The following NF1 variants were observed in gnomAD, a reference collection of about 807,000 sequenced individuals.
NF1 encodes the protein neurofibromin.
A neutral mutation model predicts 325.7 loss-of-function variants in NF1; 122 were observed. The ratio of observed to expected loss-of-function variants is 0.37; its 90% confidence interval spans 0.32 to 0.44. The LOEUF (loss-of-function observed/expected upper bound fraction) is 0.44. NF1 is among the 20% of genes least tolerant of loss of function. NF1 has a pLI of 1.00. For synonymous variants in NF1, 1,091 were observed against 1,186.0 expected (o/e 0.92, Z 1.65); for missense variants, 2,140 against 3,415.4 (o/e 0.63, Z 9.31).
chr17:31,130,072 CTGTTTTTTTT>C (rs1234723047), intron 1 of NF1, among the ~76,000 whole-genome samples: 7 of 138,692 alleles, frequency 5.0e-5, no homozygotes, highest in African/African-American at 1.2e-4. Context: ...TTTGAAGTCG[CTGTTTTTTTT>C]TGTTTTTTTT....
chr17:31,195,278 A>G (rs756964799), intron 8 of NF1, among the ~76,000 whole-genome samples: 1 of 152,118 alleles, frequency 6.6e-6, no homozygotes, highest in Non-Finnish European at 1.5e-5. Flanking sequence ...TGCTCTTTCT[A>G]GAACTAGCCT....
chr17:31,228,610 C>A (rs1445631367), intron 20 of NF1, among the ~76,000 whole-genome samples: 1 of 152,070 alleles, frequency 6.6e-6, no homozygotes, highest in Non-Finnish European at 1.5e-5. Flanking sequence ...TCTAACCACC[C>A]CCCACCCACT....
At chr17:31,313,137 A>G (rs566789878) in intron 36 of NF1, among the ~76,000 whole-genome samples, 40 of 152,294 alleles carry the variant, frequency 2.6e-4, no homozygotes, top group African/African-American at 7.5e-4. Flanking sequence ...GTATAATAAT[A>G]ATAGTCAAAT....
intron 29 of NF1, among the ~76,000 whole-genome samples, chr17:31,244,496 G>C (rs1362962133): frequency 1.3e-5 from 2 of 152,084 alleles, no homozygotes; most frequent in African/African-American, 4.8e-5. Context: ...TCAACAGCTG[G>C]GATGGGTGAT....
intron 36 of NF1, chr17:31,295,721 G>A: frequency 6.2e-7 from 1 of 1,614,166 alleles, no homozygotes; most frequent in Non-Finnish European, 8.5e-7. Context: ...TGGAATGAAT[G>A]TGAACTTATT....
chr17:31,238,597 G>A (rs977474527), intron 29 of NF1, among the ~76,000 whole-genome samples: 1 of 152,072 alleles, frequency 6.6e-6, no homozygotes, highest in Admixed American at 6.5e-5. Flanking sequence ...AGCTGGGTGT[G>A]GTGGCACGTG....
At chr17:31,132,074 G>A (rs978824252) in intron 1 of NF1, among the ~76,000 whole-genome samples, 4 of 152,040 alleles carry the variant, frequency 2.6e-5, no homozygotes, top group African/African-American at 4.8e-5. Flanking sequence ...GGGACTACAG[G>A]CACATGTCAC....
At chr17:31,352,886 G>A (rs758373525) in intron 51 of NF1, among the ~76,000 whole-genome samples, 13 of 152,036 alleles carry the variant, frequency 8.6e-5, no homozygotes, top group African/African-American at 2.4e-4. Flanking sequence ...CTCAATTACC[G>A]AAAGAAAATA....
At chr17:31,174,808 C>A (rs907977726) in intron 5 of NF1, among the ~76,000 whole-genome samples, 20 of 151,972 alleles carry the variant, frequency 1.3e-4, no homozygotes, top group Admixed American at 1.1e-3. Flanking sequence ...GTTACTATTG[C>A]ATATAGAGCC....
rs17880286 is a variant in NF1 at position 31,191,243 on chromosome 17, A to G, written c.888+8578A>G. 3.6e-3 allele frequency among the ~76,000 whole-genome samples: 545 copies of G among 152,326 alleles called. 6 individuals carry two copies. Among genetic ancestry groups the G allele is most frequent in the African/African-American group, 0.012 (517 of 41,582 alleles). On this transcript the variant is annotated intron_variant, in intron 8 of 57. Coordinates refer to ENST00000358273, the MANE Select transcript of NF1 (RefSeq NM_001042492.3). ...ATACAAATGTTGAAGGCAAGTTACA[A>G]TCTTGAAGAAAATGAAAATTATGTT...
At chr17:31,110,916 AAAAC>A (rs1371507753) in intron 1 of NF1, among the ~76,000 whole-genome samples, 3 of 152,058 alleles carry the variant, frequency 2.0e-5, no homozygotes, top group Non-Finnish European at 4.4e-5. Context: ...AAAAACAAAA[AAAAC>A]CCAGGTAAAT....
chr17:31,323,204 C>T (rs959470231), intron 36 of NF1, among the ~76,000 whole-genome samples: 1 of 151,934 alleles, frequency 6.6e-6, no homozygotes, highest in Non-Finnish European at 1.5e-5. Flanking sequence ...TCGAGACCAG[C>T]CTGGGCAGCA....
chr17:31,318,509 A>G (rs1162332025), intron 36 of NF1: 1 of 1,613,926 alleles, frequency 6.2e-7, no homozygotes. Context: ...ACTTGTTTTG[A>G]TCGTCTGAGA....
intron 8 of NF1, among the ~76,000 whole-genome samples, chr17:31,184,763 CTGAG>C (rs2066207940): frequency 6.6e-6 from 1 of 152,228 alleles, no homozygotes; most frequent in African/African-American, 2.4e-5. Flanking sequence ...TAAGATTGAC[CTGAG>C]TGAGACCCTT....
At chr17:31,196,274 T>A (rs2066431931) in intron 8 of NF1, among the ~76,000 whole-genome samples, 1 of 152,086 alleles carries the variant, frequency 6.6e-6, no homozygotes, top group Non-Finnish European at 1.5e-5. Flanking sequence ...TTTTTCTGTT[T>A]CATTAATTTT....
intron 30 of NF1, 61 bp downstream of exon 30, chr17:31,249,180 AT>A: frequency 6.4e-7 from 1 of 1,569,094 alleles, no homozygotes; most frequent in East Asian, 2.2e-5. Context: ...AGAATGCTTT[AT>A]CAAAGAAGGA....
At chr17:31,201,186 A>AT in intron 10 of NF1, 27 bp downstream of exon 10, 1 of 1,613,652 alleles carries the variant, frequency 6.2e-7, no homozygotes, top group South Asian at 1.1e-5. Flanking sequence ...TTATCTAACT[A>AT]TATTTACTGA....
At position 31,101,543 on chromosome 17, in the gene NF1, T is replaced by C. The variant is rs550997351; in HGVS notation, c.60+6174T>C. ...TGATTTACCAAACTCTTTCCCATTA[T>C]GCCTCTGCATGCACCTATGTTCCAG... On this transcript the variant is annotated intron_variant, in intron 1 of 57. Coordinates refer to ENST00000358273, the MANE Select transcript of NF1 (RefSeq NM_001042492.3). 2.6e-5 allele frequency among the ~76,000 whole-genome samples: 4 copies of C among 152,348 alleles called. No homozygotes were observed. The South Asian group carries it at 6.2e-4, about 24-fold the overall frequency.
intron 39 of NF1, chr17:31,331,927 A>T (rs2069505083): frequency 2.1e-5 from 3 of 146,110 alleles, no homozygotes; most frequent in Non-Finnish European, 4.6e-5. Context: ...AAAAAAAAAA[A>T]AAAAAAAAAA....
Sources: allele counts gnomAD v4.1 joint callset (sites outside exome capture counted in the v4.1 genomes callset), GRCh38; gene constraint gnomAD v4.1.1; transcripts MANE v1.5; gene names NCBI Gene and HGNC (gene_info 2026-07-23, HGNC 2026-07-21).